The following PTPRD variants were observed in gnomAD, a reference collection of about 807,000 sequenced individuals.
PTPRD encodes protein tyrosine phosphatase receptor type D, also known as receptor-type tyrosine-protein phosphatase delta.
Under a neutral mutation model 214.5 loss-of-function variants are expected in PTPRD, and 34 were observed. The ratio of observed to expected loss-of-function variants is 0.16; its 90% CI spans 0.12 to 0.21. The LOEUF is 0.21. PTPRD is among the 10% of genes least tolerant of loss of function. The pLI is 1.00. For missense variants in PTPRD, 2,545 were observed against 2,398.7 expected (o/e 1.06, Z -1.27); for synonymous variants, 1,128 against 845.7 (o/e 1.33, Z -5.79).
chr9:8,503,422 ACTCTT>A (rs2097460655), intron 23 of PTPRD, among the ~76,000 whole-genome samples: 1 of 152,052 alleles, frequency 6.6e-6, no homozygotes. Flanking sequence ...ACTCAACAAA[ACTCTT>A]CAATTCAAGG....
chr9:8,363,353 C>A (rs1013453656), intron 39 of PTPRD, among the ~76,000 whole-genome samples: 2 of 152,102 alleles, frequency 1.3e-5, no homozygotes, highest in East Asian at 3.9e-4. Flanking sequence ...AGGAGCCTTA[C>A]CGCAGTGAAG....
intron 11 of PTPRD, among the ~76,000 whole-genome samples, chr9:8,961,500 TG>T (rs2099158588): frequency 6.6e-6 from 1 of 152,106 alleles, no homozygotes; most frequent in Non-Finnish European, 1.5e-5. Flanking sequence ...CAAATATCAC[TG>T]TCTCTAGTAG....
chr9:9,195,900 A>C (rs2099938316), intron 9 of PTPRD, among the ~76,000 whole-genome samples: 1 of 152,170 alleles, frequency 6.6e-6, no homozygotes. Context: ...TTAAATACAA[A>C]GGCTACATAA....
At chr9:8,437,225 C>G in intron 34 of PTPRD, 1 of 1,519,954 alleles carries the variant, frequency 6.6e-7, no homozygotes, top group South Asian at 1.2e-5. Context: ...CCAGGGTAAC[C>G]GGAATCATCT....
chr9:8,748,858 C>T (rs1306592877), intron 11 of PTPRD, among the ~76,000 whole-genome samples: 3 of 151,980 alleles, frequency 2.0e-5, no homozygotes, highest in Non-Finnish European at 4.4e-5. Context: ...TGTGGTAAGC[C>T]AAGATTGCGC....
intron 6 of PTPRD, among the ~76,000 whole-genome samples, chr9:9,764,162 C>G (rs2098687343): frequency 6.6e-6 from 1 of 152,062 alleles, no homozygotes; most frequent in South Asian, 2.1e-4. Flanking sequence ...CACCTAATGC[C>G]ATATGACACA....
chr9:8,638,199 A>G (rs539387617), intron 12 of PTPRD, among the ~76,000 whole-genome samples: 1 of 151,484 alleles, frequency 6.6e-6, no homozygotes, highest in African/African-American at 2.4e-5. Flanking sequence ...GTGGTTTTAA[A>G]TAACCATAGC....
intron 4 of PTPRD, among the ~76,000 whole-genome samples, chr9:9,974,394 T>C (rs2095274803): frequency 6.6e-6 from 1 of 152,214 alleles, no homozygotes; most frequent in South Asian, 2.1e-4. Context: ...TGGGTTCATG[T>C]GGACAGAGAA....
intron 9 of PTPRD, among the ~76,000 whole-genome samples, chr9:9,316,061 AG>A (rs1962850673): frequency 6.6e-6 from 1 of 152,004 alleles, no homozygotes. Flanking sequence ...GCCTGTCCAT[AG>A]AATCCTAAAG....
Position 8,499,759 on chromosome 9 carries a change from G to A in PTPRD, c.2210C>T (p.Pro737Leu), listed in dbSNP as rs1297546114. ...SVKVSWRSPVPNKQHGQIRGY... is the reference protein window; with the variant it reads ...SVKVSWRSPVLNKQHGQIRGY... ...TCTTATCTGGCCATGCTGTTTATTGGGCACGGGTGAGCGCCATGAGACTTT... is the reference window on the plus strand; with the variant it reads ...TCTTATCTGGCCATGCTGTTTATTGAGCACGGGTGAGCGCCATGAGACTTT... The change falls in exon 25 of 46, where the codon CCC becomes CTC. Residue 737 changes from proline (P) to leucine (L), a missense_variant. Coordinates refer to ENST00000381196, the MANE Select transcript of PTPRD (RefSeq NM_002839.4). 4 of 1,614,014 alleles carry A rather than the reference G, an allele frequency of 2.5e-6. No individual in the cohort carries two copies. Among genetic ancestry groups the A allele is most frequent in the Non-Finnish European group, 2.5e-6 (3 of 1,179,968 alleles).
intron 7 of PTPRD, among the ~76,000 whole-genome samples, chr9:9,708,141 C>T (rs1249713171): frequency 1.3e-5 from 2 of 152,016 alleles, no homozygotes; most frequent in African/African-American, 4.8e-5. Context: ...TATAGTTCTG[C>T]CTACGTTAGT....
chr9:8,465,881 G>C (rs2096534913), intron 31 of PTPRD, among the ~76,000 whole-genome samples: 1 of 151,746 alleles, frequency 6.6e-6, no homozygotes, highest in Non-Finnish European at 1.5e-5. Context: ...TAAGATACTG[G>C]ACTGCTCTGA....
intron 3 of PTPRD, among the ~76,000 whole-genome samples, chr9:10,337,612 G>A (rs1027746127): frequency 2.0e-5 from 3 of 151,508 alleles, no homozygotes; most frequent in African/African-American, 7.3e-5. Context: ...AAAACCAACA[G>A]TTTTATATGT....
At chr9:10,318,601 G>A (rs572940990) in intron 3 of PTPRD, among the ~76,000 whole-genome samples, 17 of 151,934 alleles carry the variant, frequency 1.1e-4, no homozygotes, top group South Asian at 8.3e-4. Context: ...AAGGGAGTTC[G>A]TTTATATTTA....
chr9:8,845,012 T>A (rs138962860), intron 11 of PTPRD, among the ~76,000 whole-genome samples: 6 of 152,270 alleles, frequency 3.9e-5, no homozygotes, highest in African/African-American at 1.4e-4. Flanking sequence ...AAATTATACT[T>A]GCACTGACAA....
intron 3 of PTPRD, among the ~76,000 whole-genome samples, chr9:10,035,269 C>A (rs2097158500): frequency 6.6e-6 from 1 of 151,618 alleles, no homozygotes; most frequent in African/African-American, 2.4e-5. Context: ...TGCCCTTTGC[C>A]CACTTTTTAA....
chr9:10,401,026 T>C (rs1052260088), intron 2 of PTPRD, among the ~76,000 whole-genome samples: 1 of 151,714 alleles, frequency 6.6e-6, no homozygotes, highest in Non-Finnish European at 1.5e-5. Flanking sequence ...AAAACTTTTA[T>C]TGCCTGTTCT....
intron 5 of PTPRD, among the ~76,000 whole-genome samples, chr9:9,780,654 G>A (rs979498871): frequency 6.6e-6 from 1 of 152,138 alleles, no homozygotes; most frequent in East Asian, 1.9e-4. Context: ...AAAGCTAAAT[G>A]ATATGATTTA....
At chr9:10,142,430 A>T (rs1207847676) in intron 3 of PTPRD, among the ~76,000 whole-genome samples, 1 of 152,118 alleles carries the variant, frequency 6.6e-6, no homozygotes. Flanking sequence ...ATTTACGAGA[A>T]AAAAACAAAC....
Sources: gnomAD v4.1 joint callset for allele counts (sites outside exome capture counted in the v4.1 genomes callset) on GRCh38, gnomAD v4.1.1 for gene constraint, MANE v1.5 for transcripts, NCBI Gene and HGNC (gene_info 2026-07-23, HGNC 2026-07-21) for gene names.